ENTREP2: variants seen among roughly 807,000 people sequenced by gnomAD.
ENTREP2 encodes protein ENTREP2.
chr15:29,628,650 C>T, the ENTREP2 span, among the ~76,000 whole-genome samples: 1 of 152,108 alleles, frequency 6.6e-6, no homozygotes, highest in African/African-American at 2.4e-5. Flanking sequence ...TCGTCTAGTT[C>T]TTTTTTCAGT....
the ENTREP2 span, among the ~76,000 whole-genome samples, chr15:29,134,480 C>T: frequency 3.8e-3 from 585 of 152,288 alleles, 3 homozygotes; most frequent in Admixed American, 0.012. Context: ...TGGGGGCTCA[C>T]GGGCCAGCCG....
At chr15:29,544,176 G>A in the ENTREP2 span, among the ~76,000 whole-genome samples, 1 of 152,116 alleles carries the variant, frequency 6.6e-6, no homozygotes, top group African/African-American at 2.4e-5. Context: ...GCAGAAGAAA[G>A]ACATAAGAAG....
the ENTREP2 span, among the ~76,000 whole-genome samples, chr15:29,580,821 G>A: frequency 3.3e-5 from 5 of 152,116 alleles, no homozygotes; most frequent in Admixed American, 3.3e-4. Context: ...ATTTCCCACA[G>A]TGTACAGAAT....
At chr15:29,403,392 G>A in the ENTREP2 span, among the ~76,000 whole-genome samples, 1 of 152,094 alleles carries the variant, frequency 6.6e-6, no homozygotes, top group South Asian at 2.1e-4. Flanking sequence ...ATTTGCAAAT[G>A]ACTTTTATTC....
the ENTREP2 span, chr15:29,234,597 C>A: frequency 6.6e-7 from 1 of 1,515,476 alleles, no homozygotes; most frequent in Non-Finnish European, 9.2e-7. Context: ...TCTTCACAAT[C>A]TTCTTTTGTG....
chr15:29,320,794 G>A, the ENTREP2 span, among the ~76,000 whole-genome samples: 1 of 152,140 alleles, frequency 6.6e-6, no homozygotes, highest in Non-Finnish European at 1.5e-5. Flanking sequence ...GAAACAGTGA[G>A]CTTGAAGATA....
chr15:29,669,397 C>T, the ENTREP2 span, among the ~76,000 whole-genome samples: 1 of 152,192 alleles, frequency 6.6e-6, no homozygotes, highest in South Asian at 2.1e-4. Context: ...GCCCCCTCGC[C>T]ATGTGATGCC....
chr15:29,422,265 C>T, the ENTREP2 span, among the ~76,000 whole-genome samples: 2 of 149,756 alleles, frequency 1.3e-5, no homozygotes, highest in Admixed American at 6.7e-5. Context: ...AGTGAAACTC[C>T]GTGTCAAAAA....
chr15:29,339,338 A>G, the ENTREP2 span, among the ~76,000 whole-genome samples: 1 of 152,230 alleles, frequency 6.6e-6, no homozygotes, highest in Non-Finnish European at 1.5e-5. Flanking sequence ...GAAAATTGAA[A>G]AGACATTCTA....
the ENTREP2 span, among the ~76,000 whole-genome samples, chr15:29,204,730 A>C: frequency 6.6e-6 from 1 of 152,194 alleles, no homozygotes; most frequent in Non-Finnish European, 1.5e-5. Flanking sequence ...ACATTAAAGA[A>C]AAAATTTGTA....
chr15:29,614,306 C>G, the ENTREP2 span: 1 of 152,538 alleles, frequency 6.6e-6, no homozygotes, highest in African/African-American at 2.4e-5. Flanking sequence ...AGGGAGAGGA[C>G]TCAGTGAGGA....
At chr15:29,395,180 G>A in the ENTREP2 span, among the ~76,000 whole-genome samples, 4 of 151,510 alleles carry the variant, frequency 2.6e-5, no homozygotes, top group African/African-American at 9.7e-5. Context: ...GAGCCACCGC[G>A]CCTGGCCTCT....
At chr15:29,586,176 G>A in the ENTREP2 span, among the ~76,000 whole-genome samples, 1 of 152,060 alleles carries the variant, frequency 6.6e-6, no homozygotes, top group East Asian at 1.9e-4. Flanking sequence ...TAACACAGAT[G>A]AATTTTGAAA....
chr15:29,577,945 G>A, the ENTREP2 span, among the ~76,000 whole-genome samples: 1 of 152,180 alleles, frequency 6.6e-6, no homozygotes, highest in African/African-American at 2.4e-5. Context: ...GGAATGGGGA[G>A]TTAGTGTTTG....
the ENTREP2 span, among the ~76,000 whole-genome samples, chr15:29,553,730 T>C: frequency 6.6e-6 from 1 of 152,174 alleles, no homozygotes; most frequent in Non-Finnish European, 1.5e-5. Flanking sequence ...ACCACAGTGC[T>C]GGAGGAGCTA....
At chr15:29,482,747 G>A in the ENTREP2 span, among the ~76,000 whole-genome samples, 1 of 152,154 alleles carries the variant, frequency 6.6e-6, no homozygotes, top group African/African-American at 2.4e-5. Flanking sequence ...CCTACAGAAG[G>A]ACATTTCCAC....
At chr15:29,370,922 T>A in the ENTREP2 span, among the ~76,000 whole-genome samples, 5 of 149,172 alleles carry the variant, frequency 3.4e-5, no homozygotes, top group East Asian at 3.9e-4. Flanking sequence ...AGAACAGATT[T>A]AAAAAAAAAA....
the ENTREP2 span, among the ~76,000 whole-genome samples, chr15:29,298,960 A>G: frequency 6.6e-6 from 1 of 152,348 alleles, no homozygotes; most frequent in Admixed American, 6.5e-5. Flanking sequence ...AAGATCCTAA[A>G]CAAAACTTTA....
At chr15:29,644,103 C>T in the ENTREP2 span, among the ~76,000 whole-genome samples, 1 of 152,118 alleles carries the variant, frequency 6.6e-6, no homozygotes, top group South Asian at 2.1e-4. Flanking sequence ...TATCATTTGT[C>T]AAGAAGAATA....
Sources: gnomAD v4.1 joint callset for allele counts (sites outside exome capture counted in the v4.1 genomes callset) on GRCh38, gnomAD v4.1.1 for gene constraint, MANE v1.5 for transcripts, NCBI Gene and HGNC (gene_info 2026-07-23, HGNC 2026-07-21) for gene names.